Variants in DLGAP4 observed in about 807,000 individuals in gnomAD.
DLGAP4 encodes the protein DLG associated protein 4.
DLGAP4 carries 18 observed loss-of-function variants against 86.9 expected under a neutral mutation model. That is an observed-to-expected ratio of 0.21 (90% confidence interval 0.14 to 0.31). The LOEUF is 0.31. DLGAP4 is among the 10% of genes least tolerant of loss of function. DLGAP4 has a pLI of 1.00. For synonymous variants in DLGAP4, 548 were observed against 574.3 expected (o/e 0.95, Z 0.65); for missense variants, 1,085 against 1,362.6 (o/e 0.80, Z 3.21).
chr20:36,365,571 C>G (rs1015800029), intron 1 of DLGAP4, among the ~76,000 whole-genome samples: 2 of 152,330 alleles, frequency 1.3e-5, no homozygotes, highest in African/African-American at 4.8e-5. Context: ...CCTGCCCTGC[C>G]TCTTCCTGGG....
chr20:36,401,682 C>T (rs561050163), intron 2 of DLGAP4, among the ~76,000 whole-genome samples: 6 of 152,366 alleles, frequency 3.9e-5, no homozygotes, highest in Admixed American at 2.6e-4. Context: ...TCTGGCAGAG[C>T]TCACAATCTG....
At chr20:36,379,658 G>A (rs1251311621) in intron 2 of DLGAP4, among the ~76,000 whole-genome samples, 1 of 152,164 alleles carries the variant, frequency 6.6e-6, no homozygotes, top group Non-Finnish European at 1.5e-5. Flanking sequence ...GGCAGCCTGG[G>A]CTGCAGGTGG....
intron 1 of DLGAP4, among the ~76,000 whole-genome samples, chr20:36,323,865 G>A (rs1048101229): frequency 3.9e-5 from 6 of 152,222 alleles, no homozygotes; most frequent in Non-Finnish European, 7.3e-5. Flanking sequence ...CCGCTGATCT[G>A]ACAGGAGGAG....
chr20:36,415,946 G>T (rs1240445447), intron 2 of DLGAP4, among the ~76,000 whole-genome samples: 1 of 152,154 alleles, frequency 6.6e-6, no homozygotes, highest in African/African-American at 2.4e-5. Flanking sequence ...GGGGGAACCT[G>T]ATTCCCCAGG....
At chr20:36,342,103 A>C (rs1341872347) in intron 1 of DLGAP4, among the ~76,000 whole-genome samples, 7 of 152,100 alleles carry the variant, frequency 4.6e-5, no homozygotes, top group Non-Finnish European at 8.8e-5. Flanking sequence ...ATAGCCCCCC[A>C]CCACCCTCTT....
chr20:36,341,680 G>A (rs879967795), intron 1 of DLGAP4, among the ~76,000 whole-genome samples: 47 of 152,216 alleles, frequency 3.1e-4, no homozygotes, highest in African/African-American at 1.1e-3. Flanking sequence ...TGGCCCACTG[G>A]GCTGCCACCC....
intron 1 of DLGAP4, among the ~76,000 whole-genome samples, chr20:36,359,985 G>T (rs958758333): frequency 6.6e-6 from 1 of 152,150 alleles, no homozygotes; most frequent in Non-Finnish European, 1.5e-5. Flanking sequence ...CTGGGTAGGG[G>T]CATGCGTCCT....
At chr20:36,310,896 A>G (rs1569450534) in intron 1 of DLGAP4, among the ~76,000 whole-genome samples, 1 of 152,190 alleles carries the variant, frequency 6.6e-6, no homozygotes, top group East Asian at 1.9e-4. Context: ...GTGTTGCACC[A>G]AAGACAAGCC....
At chr20:36,458,516 C>T (rs553175789) in intron 7 of DLGAP4, among the ~76,000 whole-genome samples, 9 of 151,200 alleles carry the variant, frequency 6.0e-5, no homozygotes, top group Non-Finnish European at 1.3e-4. Flanking sequence ...CATGAACCAC[C>T]GTGCCTGGCA....
intron 7 of DLGAP4, among the ~76,000 whole-genome samples, chr20:36,467,129 TAGAC>T (rs1428257548): frequency 2.0e-5 from 3 of 148,926 alleles, no homozygotes; most frequent in Non-Finnish European, 4.4e-5. Context: ...TGGGGATTAA[TAGAC>T]AGACAAGGCG....
At chr20:36,479,727 G>A (rs1332430616) in intron 7 of DLGAP4, among the ~76,000 whole-genome samples, 1 of 151,974 alleles carries the variant, frequency 6.6e-6, no homozygotes. Flanking sequence ...AGGCAGAGAG[G>A]CCAGTGGTCC....
chr20:36,481,335 T>C (rs1429124737), intron 7 of DLGAP4, among the ~76,000 whole-genome samples: 1 of 152,192 alleles, frequency 6.6e-6, no homozygotes, highest in Non-Finnish European at 1.5e-5. Flanking sequence ...TACATGTGTA[T>C]TTGACAGTCT....
At chr20:36,392,959 G>A (rs910558144) in intron 2 of DLGAP4, among the ~76,000 whole-genome samples, 13 of 152,146 alleles carry the variant, frequency 8.5e-5, no homozygotes, top group Non-Finnish European at 1.3e-4. Context: ...CGAGGGTCTG[G>A]GGCAGAGCAT....
At chr20:36,429,631 T>C (rs2033076874) in intron 2 of DLGAP4, among the ~76,000 whole-genome samples, 1 of 151,748 alleles carries the variant, frequency 6.6e-6, no homozygotes, top group Non-Finnish European at 1.5e-5. Flanking sequence ...GGTCTCAAAC[T>C]CCTGATCTCA....
At chr20:36,461,751 G>GGCCCCCCCCCCC in intron 7 of DLGAP4, 1 of 618,828 alleles carries the variant, frequency 1.6e-6, no homozygotes, top group Non-Finnish European at 1.9e-6. Flanking sequence ...CCGTCCGTCC[G>GGCCCCCCCCCCC]CCCGCCCGCC....
At chr20:36,460,695 A>C (rs1310521639) in intron 7 of DLGAP4, among the ~76,000 whole-genome samples, 2 of 152,158 alleles carry the variant, frequency 1.3e-5, no homozygotes, top group Non-Finnish European at 2.9e-5. Context: ...CAGTGAGGAG[A>C]GGGGACTCGC....
intron 1 of DLGAP4, among the ~76,000 whole-genome samples, chr20:36,340,114 T>C (rs1268989672): frequency 1.3e-5 from 2 of 152,098 alleles, no homozygotes; most frequent in Non-Finnish European, 2.9e-5. Context: ...TTCCCCTCTG[T>C]GGTAGAAGGA....
At chr20:36,454,037 G>A (rs1422900501) in intron 7 of DLGAP4, among the ~76,000 whole-genome samples, 2 of 151,650 alleles carry the variant, frequency 1.3e-5, no homozygotes, top group African/African-American at 2.4e-5. Context: ...TTGGGAGGCC[G>A]AGGTGGGTGG....
In DLGAP4 at chr20:36,509,280, TAAAC is replaced by T. The variant is rs1394600055; in HGVS notation, c.2512+8672_2512+8675del. ...TCTACTACAAATGAAAATTTAAAAA[TAAAC>T]AATTGGCCAGGCGCAGTGGCTCATG... On this transcript the variant is annotated intron_variant, in intron 10 of 12. Transcript: ENST00000339266. Among the ~76,000 whole-genome samples, 3 of 151,828 alleles carry T rather than the reference TAAAC, an allele frequency of 2.0e-5. No homozygotes were observed. In the East Asian group the frequency reaches 5.8e-4, roughly 29 times the overall value.
Sources: allele counts gnomAD v4.1 joint callset (sites outside exome capture counted in the v4.1 genomes callset), GRCh38; gene constraint gnomAD v4.1.1; transcripts MANE v1.5; gene names NCBI Gene and HGNC (gene_info 2026-07-23, HGNC 2026-07-21).